Variants in NPAS3 observed in about 807,000 individuals in gnomAD.
The protein encoded by NPAS3 is neuronal PAS domain protein 3.
A neutral mutation model predicts 73.1 loss-of-function variants in NPAS3; 14 were observed. The observed-to-expected ratio is 0.19, with a 90% CI of 0.13 to 0.30. The LOEUF is 0.30. NPAS3 is among the 10% of genes least tolerant of loss of function. NPAS3 has a pLI of 1.00. For synonymous variants in NPAS3, 620 were observed against 541.5 expected, an observed-to-expected ratio of 1.14 and a Z score of -2.01; for missense variants, 1,096 against 1,250.0, an observed-to-expected ratio of 0.88 and a Z score of 1.86.
rs368416987 is a variant in NPAS3 at position 33,600,652 on chromosome 14, G to A, written c.558+40442G>A. ...AGTTATAAAATAATTACTGGCTAAC[G>A]ATGACACAGGAAGTGGTGACTACCT... is the stretch of plus-strand genomic sequence containing the variant. On this transcript the variant is annotated intron_variant, in intron 5 of 11. Transcript: ENST00000356141. Among the ~76,000 whole-genome samples the A allele has an allele frequency of 1.1e-4, 16 of 152,252 alleles. No individual in the cohort carries two copies. The East Asian group carries it at 1.9e-3, about 18-fold the overall frequency.
chr14:33,666,723 T>A (rs889293954), intron 5 of NPAS3, among the ~76,000 whole-genome samples: 3 of 152,248 alleles, frequency 2.0e-5, no homozygotes, highest in African/African-American at 7.2e-5. Context: ...TGGGGGCATG[T>A]GCTGAGTTTC....
chr14:33,801,035 T>C, exon 12 of NPAS3: 2 of 1,592,100 alleles, frequency 1.3e-6, no homozygotes, highest in South Asian at 2.3e-5. Flanking sequence ...CGAGGGACTC[T>C]TCTCCACGCT....
chr14:33,164,343 G>A (rs2045038377), intron 2 of NPAS3, among the ~76,000 whole-genome samples: 1 of 152,142 alleles, frequency 6.6e-6, no homozygotes, highest in Non-Finnish European at 1.5e-5. Context: ...GAATGGAATT[G>A]AGAACTTAAG....
intron 3 of NPAS3, among the ~76,000 whole-genome samples, chr14:33,338,740 C>A (rs1268505275): frequency 6.6e-6 from 1 of 152,046 alleles, no homozygotes; most frequent in Non-Finnish European, 1.5e-5. Flanking sequence ...TAAAATTAAT[C>A]TTTAAAAGAC....
chr14:33,099,196 C>G (rs1201486693), intron 2 of NPAS3, among the ~76,000 whole-genome samples: 1 of 152,158 alleles, frequency 6.6e-6, no homozygotes, highest in Non-Finnish European at 1.5e-5. Flanking sequence ...ACTTGGCTCT[C>G]CTGTGACTGC....
intron 4 of NPAS3, among the ~76,000 whole-genome samples, chr14:33,395,897 C>T (rs1022180437): frequency 6.6e-6 from 1 of 152,096 alleles, no homozygotes; most frequent in Non-Finnish European, 1.5e-5. Context: ...ATCTTATCTC[C>T]CCAGATAAAT....
intron 4 of NPAS3, among the ~76,000 whole-genome samples, chr14:33,416,008 T>C (rs2048128716): frequency 6.6e-6 from 1 of 152,138 alleles, no homozygotes; most frequent in South Asian, 2.1e-4. Context: ...TTTCAAATTC[T>C]ATAAAGCTCT....
intron 3 of NPAS3, among the ~76,000 whole-genome samples, chr14:33,332,263 A>G (rs2044020310): frequency 1.3e-5 from 2 of 152,212 alleles, no homozygotes; most frequent in East Asian, 3.8e-4. Flanking sequence ...TAACTAAAAT[A>G]AGTTTGCCGG....
At chr14:33,290,015 G>GA (rs2042037179) in intron 3 of NPAS3, among the ~76,000 whole-genome samples, 1 of 152,136 alleles carries the variant, frequency 6.6e-6, no homozygotes, top group Admixed American at 6.5e-5. Context: ...GGTGGAGTTA[G>GA]AAGCCTTTTT....
chr14:33,429,883 A>G (rs1372385859), intron 4 of NPAS3, among the ~76,000 whole-genome samples: 1 of 152,134 alleles, frequency 6.6e-6, no homozygotes, highest in African/African-American at 2.4e-5. Context: ...TGCAAAGCTA[A>G]AATTTCTTCC....
chr14:33,686,515 C>G (rs1463019588), intron 6 of NPAS3, among the ~76,000 whole-genome samples: 2 of 152,220 alleles, frequency 1.3e-5, no homozygotes, highest in Non-Finnish European at 2.9e-5. Flanking sequence ...ATTGCCATTA[C>G]TCATTGACTA....
intron 4 of NPAS3, among the ~76,000 whole-genome samples, chr14:33,449,633 A>G (rs879707879): frequency 1.3e-4 from 20 of 150,030 alleles, no homozygotes; most frequent in Non-Finnish European, 2.4e-4. Context: ...ACACACATGC[A>G]CACACACACA....
rs568675731 is a variant in NPAS3, at chr14:33,285,483, A to G, written c.385+70057A>G. ...CAATGACCCATCTCTGGAATGGCAG[A>G]TGGGGCCAACAGTCAACAACAATGA... is the stretch of plus-strand genomic sequence containing the variant. On this transcript the variant is annotated intron_variant, in intron 3 of 11. Coordinates refer to ENST00000356141, the Ensembl canonical transcript of NPAS3. 3.9e-5 allele frequency among the ~76,000 whole-genome samples: 6 copies of G among 152,350 alleles called. No individual in the cohort carries two copies. The East Asian group carries it at 9.6e-4, about 24-fold the overall frequency.
At chr14:33,039,591 T>G (rs1399917391) in intron 1 of NPAS3, among the ~76,000 whole-genome samples, 1 of 152,224 alleles carries the variant, frequency 6.6e-6, no homozygotes, top group East Asian at 1.9e-4. Flanking sequence ...TGACCTCCAT[T>G]GCAACTTTCA....
intron 4 of NPAS3, among the ~76,000 whole-genome samples, chr14:33,389,032 G>T (rs751682773): frequency 2.0e-5 from 3 of 152,094 alleles, no homozygotes; most frequent in Admixed American, 6.6e-5. Context: ...AGACTCTCAA[G>T]CTTTACAGAG....
At chr14:33,242,613 G>A (rs988782049) in intron 3 of NPAS3, among the ~76,000 whole-genome samples, 1 of 152,024 alleles carries the variant, frequency 6.6e-6, no homozygotes, top group South Asian at 2.1e-4. Flanking sequence ...GTTCAGATGC[G>A]TCAACATTAT....
At chr14:33,258,907 G>A (rs925519075) in intron 3 of NPAS3, among the ~76,000 whole-genome samples, 3 of 152,102 alleles carry the variant, frequency 2.0e-5, no homozygotes, top group Non-Finnish European at 4.4e-5. Context: ...TCCGCCTCCC[G>A]GGTTCACGCC....
chr14:33,454,221 A>G lies in NPAS3; in HGVS notation c.468+86953A>G, dbSNP rs189220102. On this transcript the variant is annotated intron_variant, in intron 4 of 11. Transcript: ENST00000356141. The stretch of plus-strand genomic sequence containing the variant: ...AGTAAGTGTATATTAATGCCAAGTC[A>G]GCTTTATACAATTTGTTTTTAAACT... Among the ~76,000 whole-genome samples the G allele has an allele frequency of 7.0e-4, 107 of 152,348 alleles. 1 individual carries two copies. The highest frequency in any genetic ancestry group is 4.8e-3 in the Admixed American group (73 of 15,300).
intron 2 of NPAS3, among the ~76,000 whole-genome samples, chr14:33,203,283 T>C (rs1174573445): frequency 6.6e-6 from 1 of 152,258 alleles, no homozygotes; most frequent in African/African-American, 2.4e-5. Flanking sequence ...TGCTACTTAA[T>C]TTCTGAGGCT....
Sources: gnomAD v4.1 joint callset for allele counts (sites outside exome capture counted in the v4.1 genomes callset) on GRCh38, gnomAD v4.1.1 for gene constraint, MANE v1.5 for transcripts, NCBI Gene and HGNC (gene_info 2026-07-23, HGNC 2026-07-21) for gene names.